The following WWOX variants were observed in gnomAD, a reference collection of about 807,000 sequenced individuals.
WWOX encodes the protein WW domain-containing oxidoreductase.
Under a neutral mutation model 46.2 loss-of-function variants are expected in WWOX, and 69 were observed. The ratio of observed to expected loss-of-function variants is 1.49; its 90% confidence interval spans 1.23 to 1.82. The LOEUF (loss-of-function observed/expected upper bound fraction) is 1.82. Among genes scored for constraint, WWOX ranks in the 40% most tolerant of loss-of-function variants. The pLI is 0.00. For synonymous variants in WWOX, 359 were observed against 202.6 expected (o/e 1.77, Z -6.56); for missense variants, 919 against 542.6 (o/e 1.69, Z -6.89).
chr16:78,624,129 A>G (rs748243116), intron 8 of WWOX, among the ~76,000 whole-genome samples: 1 of 152,234 alleles, frequency 6.6e-6, no homozygotes, highest in Non-Finnish European at 1.5e-5. Flanking sequence ...TTTGCACAAC[A>G]ACTCAAGGGC....
chr16:78,975,912 C>T (rs550558039), intron 8 of WWOX, among the ~76,000 whole-genome samples: 2 of 152,324 alleles, frequency 1.3e-5, no homozygotes, highest in East Asian at 3.9e-4. Flanking sequence ...ATGTCACCCC[C>T]TCTTCCACCC....
intron 5 of WWOX, among the ~76,000 whole-genome samples, chr16:78,286,394 T>C (rs1032497827): frequency 6.6e-6 from 1 of 152,224 alleles, no homozygotes; most frequent in South Asian, 2.1e-4. Flanking sequence ...CCCTTTTACT[T>C]TCTAGTATTG....
At chr16:79,080,836 T>C (rs1401919786) in intron 8 of WWOX, among the ~76,000 whole-genome samples, 1 of 152,188 alleles carries the variant, frequency 6.6e-6, no homozygotes, top group Non-Finnish European at 1.5e-5. Context: ...AGGAAAAGCA[T>C]GGCTTTTATT....
intron 5 of WWOX, among the ~76,000 whole-genome samples, chr16:78,221,508 T>C (rs2036887839): frequency 6.6e-6 from 1 of 152,202 alleles, no homozygotes; most frequent in South Asian, 2.1e-4. Flanking sequence ...ATATTTTTCC[T>C]TTTATAAGAA....
intron 8 of WWOX, among the ~76,000 whole-genome samples, chr16:78,764,938 G>A (rs1186266456): frequency 6.6e-6 from 1 of 151,908 alleles, no homozygotes; most frequent in South Asian, 2.1e-4. Context: ...GTGCCTTTAG[G>A]GCATACACAT....
At position 79,003,971 on chromosome 16, in the gene WWOX, A is replaced by G. The variant is rs191508912; in HGVS notation, c.1057-207637A>G. Among the ~76,000 whole-genome samples the G allele has an allele frequency of 2.6e-4, 40 of 152,252 alleles. No homozygotes were observed. The East Asian group carries it at 6.8e-3, about 26-fold the overall frequency. On this transcript the variant is annotated intron_variant, in intron 8 of 8. Coordinates refer to ENST00000566780, the MANE Select transcript of WWOX (RefSeq NM_016373.4). ...GCTCTTTGCCCTTCCCTTTGCCAAG[A>G]AAGTTCCCTGTACTCTGCAATGCTG...
intron 8 of WWOX, among the ~76,000 whole-genome samples, chr16:78,511,512 C>A (rs1296140892): frequency 6.6e-6 from 1 of 152,174 alleles, no homozygotes; most frequent in South Asian, 2.1e-4. Flanking sequence ...AAGCCTGTTG[C>A]CTAAGAAATG....
chr16:78,451,901 A>G (rs1352305963), intron 8 of WWOX, among the ~76,000 whole-genome samples: 1 of 152,160 alleles, frequency 6.6e-6, no homozygotes, highest in Non-Finnish European at 1.5e-5. Flanking sequence ...CATTCCTTCC[A>G]CGAAGGAATG....
chr16:78,904,808 G>T (rs191325434), intron 8 of WWOX, among the ~76,000 whole-genome samples: 89 of 152,272 alleles, frequency 5.8e-4, no homozygotes, highest in African/African-American at 2.0e-3. Flanking sequence ...TCAACACTTA[G>T]TTCTATGTTA....
intron 8 of WWOX, among the ~76,000 whole-genome samples, chr16:78,745,774 C>A (rs1195852743): frequency 6.6e-6 from 1 of 151,406 alleles, no homozygotes; most frequent in Non-Finnish European, 1.5e-5. Context: ...TTTCCCCCCC[C>A]TTCAAATAGT....
chr16:79,192,442 T>C (rs2051155678), intron 8 of WWOX, among the ~76,000 whole-genome samples: 1 of 152,202 alleles, frequency 6.6e-6, no homozygotes, highest in African/African-American at 2.4e-5. Context: ...CAAAATCTCA[T>C]TTTCAAGGAG....
At chr16:78,468,999 A>G (rs533076996) in intron 8 of WWOX, among the ~76,000 whole-genome samples, 1 of 152,280 alleles carries the variant, frequency 6.6e-6, no homozygotes, top group Non-Finnish European at 1.5e-5. Flanking sequence ...TGACTTAGCT[A>G]TCTTTCTTGA....
chr16:78,583,228 C>T (rs975099669), intron 8 of WWOX, among the ~76,000 whole-genome samples: 1 of 152,140 alleles, frequency 6.6e-6, no homozygotes, highest in African/African-American at 2.4e-5. Context: ...CATGGTTCAA[C>T]CAAAGAACCA....
At chr16:78,613,853 G>A (rs185878640) in intron 8 of WWOX, among the ~76,000 whole-genome samples, 1 of 152,340 alleles carries the variant, frequency 6.6e-6, no homozygotes, top group African/African-American at 2.4e-5. Flanking sequence ...TGCGTATTCT[G>A]TGTATTACAG....
At chr16:78,857,250 CA>C (rs1217015373) in intron 8 of WWOX, among the ~76,000 whole-genome samples, 2 of 152,036 alleles carry the variant, frequency 1.3e-5, no homozygotes, top group Non-Finnish European at 2.9e-5. Flanking sequence ...AAAGAATTGG[CA>C]AACATGAAAA....
At chr16:78,540,872 G>C (rs1230762150) in intron 8 of WWOX, among the ~76,000 whole-genome samples, 1 of 152,002 alleles carries the variant, frequency 6.6e-6, no homozygotes, top group African/African-American at 2.4e-5. Context: ...TTTTCTTAGA[G>C]GTAGAGCCTC....
intron 8 of WWOX, among the ~76,000 whole-genome samples, chr16:79,104,952 C>G (rs1452357932): frequency 2.0e-5 from 3 of 152,156 alleles, no homozygotes; most frequent in Admixed American, 2.0e-4. Context: ...CGTTAGGGGT[C>G]AGGGGGAGGG....
In WWOX at chr16:78,700,710, C is replaced by A. The variant is rs115225913; in HGVS notation, c.1056+267958C>A. Among the ~76,000 whole-genome samples the A allele has an allele frequency of 3.0e-3, 460 of 152,262 alleles. 1 individual carries two copies. Among genetic ancestry groups the A allele is most frequent in the African/African-American group, 0.011 (438 of 41,556 alleles). On this transcript the variant is annotated intron_variant, in intron 8 of 8. Coordinates refer to ENST00000566780, the MANE Select transcript of WWOX (RefSeq NM_016373.4). ...TGGGCCTGCAGTGAGCCTGTGGCCA[C>A]CTCATAGTCTTGTTGGCCACAGCCT...
At chr16:78,715,914 C>T (rs1245685862) in intron 8 of WWOX, among the ~76,000 whole-genome samples, 1 of 152,138 alleles carries the variant, frequency 6.6e-6, no homozygotes, top group Non-Finnish European at 1.5e-5. Flanking sequence ...GGAAGCCTGC[C>T]AGAGGTAGAG....
Sources: gnomAD v4.1 joint callset for allele counts (sites outside exome capture counted in the v4.1 genomes callset) on GRCh38, gnomAD v4.1.1 for gene constraint, MANE v1.5 for transcripts, NCBI Gene and HGNC (gene_info 2026-07-23, HGNC 2026-07-21) for gene names.